TENM1: variants seen among roughly 807,000 people sequenced by gnomAD.
TENM1 encodes teneurin-1.
A neutral mutation model predicts 174.8 loss-of-function variants in TENM1; 35 were observed. The ratio of observed to expected loss-of-function variants is 0.20; its 90% CI spans 0.15 to 0.27. The LOEUF (loss-of-function observed/expected upper bound fraction) is 0.27, where lower values mean the gene tolerates loss of function less well. Among genes scored for constraint, TENM1 ranks in the 10% least tolerant of loss-of-function variants. The pLI is 1.00. For missense variants in TENM1, 1,633 were observed against 2,130.1 expected (o/e 0.77, Z 4.59); for synonymous variants, 781 against 798.7 (o/e 0.98, Z 0.37).
At chrX:125,080,426 T>C in the TENM1 span, among the ~76,000 whole-genome samples, 3 of 110,927 alleles carry the variant, frequency 2.7e-5, no homozygotes, top group Non-Finnish European at 5.7e-5. Flanking sequence ...ATTCTCAACC[T>C]TTGTTACTAT....
At chrX:125,169,966 C>G in the TENM1 span, among the ~76,000 whole-genome samples, 1 of 110,935 alleles carries the variant, frequency 9.0e-6, no homozygotes, top group African/African-American at 3.3e-5. Context: ...TTATTGGACA[C>G]GATAAAAGGA....
intron 3 of TENM1, among the ~76,000 whole-genome samples, chrX:124,764,465 T>C (rs190951855): frequency 9.0e-6 from 1 of 111,018 alleles, no homozygotes; most frequent in East Asian, 2.8e-4. Flanking sequence ...TTCTGCTACA[T>C]TTATGTTTGT....
At chrX:124,677,048 C>T (rs1309531022) in intron 5 of TENM1, among the ~76,000 whole-genome samples, 2 of 110,271 alleles carry the variant, frequency 1.8e-5, no homozygotes, top group Non-Finnish European at 3.8e-5. Context: ...TAAAAGATCA[C>T]ATTAATATTT....
chrX:124,431,570 G>T (rs2060779244), intron 23 of TENM1, among the ~76,000 whole-genome samples: 1 of 111,796 alleles, frequency 8.9e-6, no homozygotes, highest in Admixed American at 9.5e-5. Context: ...GTTTTCAAAT[G>T]GTCTTCTCAT....
the TENM1 span, among the ~76,000 whole-genome samples, chrX:125,105,754 G>A: frequency 9.0e-6 from 1 of 111,577 alleles, no homozygotes; most frequent in Non-Finnish European, 1.9e-5. Context: ...CCAGGCTAGT[G>A]AAACCCAGGC....
intron 3 of TENM1, among the ~76,000 whole-genome samples, chrX:124,817,882 TTAGTCTAATG>T (rs2055941354): frequency 9.0e-6 from 1 of 111,695 alleles, no homozygotes; most frequent in Non-Finnish European, 1.9e-5. Context: ...ATTTATACAT[TTAGTCTAATG>T]TATTATATTA....
chrX:124,418,622 C>G (rs1416685869), intron 25 of TENM1, among the ~76,000 whole-genome samples: 1 of 111,891 alleles, frequency 8.9e-6, no homozygotes, highest in Non-Finnish European at 1.9e-5. Flanking sequence ...TTATTCATAG[C>G]TATATCCCCA....
At chrX:124,578,103 T>A (rs1043231723) in intron 11 of TENM1, among the ~76,000 whole-genome samples, 1 of 96,591 alleles carries the variant, frequency 1.0e-5, no homozygotes, top group Admixed American at 1.1e-4. Context: ...TTAAAAAAAA[T>A]TTTCTGTAGA....
At chrX:124,774,191 G>C (rs1210767002) in intron 3 of TENM1, among the ~76,000 whole-genome samples, 1 of 111,693 alleles carries the variant, frequency 9.0e-6, no homozygotes, top group Non-Finnish European at 1.9e-5. Flanking sequence ...AGATCATATA[G>C]ACTTAAAAGA....
At chrX:124,727,645 A>G (rs968964983) in intron 4 of TENM1, among the ~76,000 whole-genome samples, 2 of 111,710 alleles carry the variant, frequency 1.8e-5, no homozygotes, top group African/African-American at 6.5e-5. Context: ...CTACTTGCAC[A>G]TAATTTCATG....
the TENM1 span, among the ~76,000 whole-genome samples, chrX:125,071,539 C>T: frequency 8.0e-5 from 9 of 111,859 alleles, no homozygotes; most frequent in Non-Finnish European, 5.7e-5. Flanking sequence ...TTACATGAAA[C>T]GTTTCAACCA....
At chrX:125,172,605 C>G in the TENM1 span, among the ~76,000 whole-genome samples, 1 of 111,367 alleles carries the variant, frequency 9.0e-6, no homozygotes, top group Non-Finnish European at 1.9e-5. Flanking sequence ...ACCATAAAAA[C>G]TTGAGTAAAT....
chrX:124,480,489 G>T (rs888103552), intron 22 of TENM1, among the ~76,000 whole-genome samples: 1 of 111,953 alleles, frequency 8.9e-6, no homozygotes, highest in Non-Finnish European at 1.9e-5. Flanking sequence ...ACATTTATTG[G>T]CATGGAAAGA....
intron 1 of TENM1, among the ~76,000 whole-genome samples, chrX:124,932,462 A>G (rs773254340): frequency 2.0e-4 from 23 of 112,356 alleles, no homozygotes; most frequent in Non-Finnish European, 3.6e-4. Flanking sequence ...TTAACATTTC[A>G]CTGGGGAGAC....
rs1034331281 is a variant in TENM1 at position 124,414,675 on chromosome X, C to T, written c.4982+5636G>A. 2.7e-5 allele frequency among the ~76,000 whole-genome samples: 3 copies of T among 111,475 alleles called. No homozygotes were observed. The Admixed American group carries it at 2.8e-4, about 11-fold the overall frequency. ...TATGAAAATTAGTGAACTATGTAAACAACATCACACTACCTAATAAAAGCC... is the reference window on the plus strand; with the variant it reads ...TATGAAAATTAGTGAACTATGTAAATAACATCACACTACCTAATAAAAGCC... On this transcript the variant is annotated intron_variant, in intron 25 of 31. Transcript: ENST00000422452.
chrX:125,155,533 G>A, the TENM1 span, among the ~76,000 whole-genome samples: 1 of 109,785 alleles, frequency 9.1e-6, no homozygotes, highest in Admixed American at 9.5e-5. Context: ...GCGCTCGTCG[G>A]GGAGACTCGG....
At chrX:125,197,929 T>C in the TENM1 span, among the ~76,000 whole-genome samples, 21 of 111,999 alleles carry the variant, frequency 1.9e-4, no homozygotes, top group Admixed American at 1.9e-3. Context: ...CAGCTACAAA[T>C]TGACAGAAAA....
the TENM1 span, among the ~76,000 whole-genome samples, chrX:125,142,638 G>T: frequency 9.0e-6 from 1 of 110,702 alleles, no homozygotes; most frequent in Admixed American, 9.6e-5. Context: ...CATTAACACG[G>T]ACAGGCAAGC....
the TENM1 span, among the ~76,000 whole-genome samples, chrX:125,170,699 G>T: frequency 9.0e-6 from 1 of 111,082 alleles, no homozygotes; most frequent in Non-Finnish European, 1.9e-5. Context: ...AAATGCTCAA[G>T]GGTGTATACC....
Sources: allele counts gnomAD v4.1 joint callset (sites outside exome capture counted in the v4.1 genomes callset), GRCh38; gene constraint gnomAD v4.1.1; transcripts MANE v1.5; gene names NCBI Gene and HGNC (gene_info 2026-07-23, HGNC 2026-07-21).